TMEM26: variants seen among roughly 807,000 people sequenced by gnomAD.
The protein encoded by TMEM26 is transmembrane protein 26.
A neutral mutation model predicts 28.8 loss-of-function variants in TMEM26; 38 were observed. The ratio of observed to expected loss-of-function variants is 1.32; its 90% CI spans 1.02 to 1.73. The LOEUF (loss-of-function observed/expected upper bound fraction) is 1.73, where lower values mean the gene tolerates loss of function less well. TMEM26 is among the 40% of genes most tolerant of loss of function. TMEM26 has a pLI of 0.00. For missense variants in TMEM26, 518 were observed against 447.1 expected, an observed-to-expected ratio of 1.16 and a Z score of -1.43; for synonymous variants, 227 against 182.9, an observed-to-expected ratio of 1.24 and a Z score of -1.95.
At chr10:61,447,235 T>C (rs2135337057) in intron 1 of TMEM26, among the ~76,000 whole-genome samples, 1 of 152,348 alleles carries the variant, frequency 6.6e-6, no homozygotes, top group African/African-American at 2.4e-5. Flanking sequence ...AAGAGTTTTA[T>C]TTCCAAACCT....
chr10:61,450,608 T>C (rs1840260633), intron 1 of TMEM26, among the ~76,000 whole-genome samples: 2 of 151,710 alleles, frequency 1.3e-5, no homozygotes. Context: ...CCAAGACTCA[T>C]TTGTTGCTGA....
intron 2 of TMEM26, among the ~76,000 whole-genome samples, chr10:61,435,909 AG>A (rs1431338365): frequency 6.6e-6 from 1 of 152,220 alleles, no homozygotes; most frequent in African/African-American, 2.4e-5. Context: ...GGACAGGGGA[AG>A]TCTTAGTAAT....
intron 4 of TMEM26, chr10:61,414,995 T>G: frequency 3.0e-6 from 3 of 985,330 alleles, no homozygotes; most frequent in Non-Finnish European, 3.6e-6. Flanking sequence ...TCCAATGGGT[T>G]GTTGAAGGCT....
At position 61,435,917 on chromosome 10, in the gene TMEM26, T is replaced by A. The variant is rs1156763582; in HGVS notation, c.270+253A>T. 2.0e-5 allele frequency among the ~76,000 whole-genome samples: 3 copies of A among 152,316 alleles called. No individual in the cohort carries two copies. The East Asian group carries it at 5.8e-4, about 29-fold the overall frequency. On this transcript the variant is annotated intron_variant, in intron 2 of 5. Coordinates refer to ENST00000399298, the MANE Select transcript of TMEM26 (RefSeq NM_178505.8). ...GGGTGGGGGACAGGGGAAGTCTTAG[T>A]AATAAGATCTCTAACACAAAATGTT...
chr10:61,446,312 A>G (rs1011774358), intron 1 of TMEM26, among the ~76,000 whole-genome samples: 8 of 152,236 alleles, frequency 5.3e-5, no homozygotes, highest in African/African-American at 1.9e-4. Flanking sequence ...AATGATGCAC[A>G]TTTAAGTCAC....
At chr10:61,451,805 C>G (rs1319052772) in intron 1 of TMEM26, among the ~76,000 whole-genome samples, 1 of 152,140 alleles carries the variant, frequency 6.6e-6, no homozygotes, top group African/African-American at 2.4e-5. Flanking sequence ...TCAGAGGCAA[C>G]ATGTTTTCTT....
In TMEM26 at chr10:61,408,781, C is replaced by A. The variant is rs985578870; in HGVS notation, c.*1541G>T. ...CATTATATTGTTAAAATTAGAAGCA[C>A]AAGGAAGAAAGAAATAAAAAACATA... On this transcript the variant is annotated 3_prime_UTR_variant, in exon 6 of 6. Transcript: ENST00000399298. 6 of 151,884 alleles carry A rather than the reference C, an allele frequency of 4.0e-5. No individual in the cohort carries two copies. The highest frequency in any genetic ancestry group is 2.1e-4 in the South Asian group (1 of 4,816). 9.4% of individuals were successfully genotyped at this position (151,884 alleles called of 1,614,324 possible).
intron 1 of TMEM26, among the ~76,000 whole-genome samples, chr10:61,443,919 A>G (rs997589007): frequency 2.0e-5 from 3 of 152,244 alleles, no homozygotes; most frequent in Non-Finnish European, 4.4e-5. Context: ...GAGGATCTAC[A>G]TACTATCTTT....
chr10:61,410,262 C>A lies in TMEM26; in HGVS notation c.*60G>T, dbSNP rs1240566871. 3 of 1,485,254 alleles carry A rather than the reference C, an allele frequency of 2.0e-6. No individual in the cohort carries two copies. Among genetic ancestry groups the A allele is most frequent in the Admixed American group, 4.4e-5 (2 of 45,270 alleles). 92.0% of individuals were successfully genotyped at this position (1,485,254 alleles called of 1,614,324 possible). ...GCCAAGGTTGGAGGAGAAAAAGGAT[C>A]CTCCCTGTAAGAAGAACCAGGGAGT... On this transcript the variant is annotated 3_prime_UTR_variant, in exon 6 of 6. Transcript: ENST00000399298.
intron 2 of TMEM26, among the ~76,000 whole-genome samples, chr10:61,433,755 T>A (rs1839959460): frequency 6.6e-6 from 1 of 152,136 alleles, no homozygotes; most frequent in Non-Finnish European, 1.5e-5. Flanking sequence ...AATTACTCTT[T>A]TCTACAATGA....
At chr10:61,415,473 T>C (rs946640181) in intron 4 of TMEM26, among the ~76,000 whole-genome samples, 1 of 152,118 alleles carries the variant, frequency 6.6e-6, no homozygotes, top group Non-Finnish European at 1.5e-5. Flanking sequence ...CAGACATTCA[T>C]GCCAGGCAGT....
chr10:61,418,234 T>A lies in TMEM26; in HGVS notation c.606-4699A>T, dbSNP rs542521562. 2.0e-5 allele frequency among the ~76,000 whole-genome samples: 3 copies of A among 152,146 alleles called. No homozygotes were observed. In the South Asian group the frequency reaches 6.2e-4, roughly 32 times the overall value. On this transcript the variant is annotated intron_variant, in intron 4 of 5. Transcript: ENST00000399298. ...TTCCTACTGGAAAAGTACTGGAGAC[T>A]GTTAGGATGGAGGTTGGTCAATTTG...
chr10:61,411,706 G>A (rs1839572367), intron 5 of TMEM26, among the ~76,000 whole-genome samples: 1 of 152,160 alleles, frequency 6.6e-6, no homozygotes, highest in African/African-American at 2.4e-5. Context: ...GCAATCAACA[G>A]AAGAACCTTT....
In TMEM26 at chr10:61,420,547, T is replaced by C. The variant is rs115208783; in HGVS notation, c.606-7012A>G. ...CAGTGAAATTATATATTTGTATATA[T>C]ATGTAAAATGGTGGATCTTTGTTTT... On this transcript the variant is annotated intron_variant, in intron 4 of 5. Transcript: ENST00000399298. Among the ~76,000 whole-genome samples, 974 of 152,288 alleles carry C rather than the reference T, an allele frequency of 6.4e-3. 9 individuals carry two copies. Among genetic ancestry groups the C allele is most frequent in the African/African-American group, 0.022 (917 of 41,566 alleles).
At chr10:61,448,613 T>C (rs1009848550) in intron 1 of TMEM26, among the ~76,000 whole-genome samples, 3 of 146,386 alleles carry the variant, frequency 2.0e-5, no homozygotes, top group Non-Finnish European at 4.5e-5. Context: ...TGTTTTCTGT[T>C]TTTTTGTTTT....
Position 61,408,516 on chromosome 10 carries a change from A to G in TMEM26, c.*1806T>C, listed in dbSNP as rs1048088259. On this transcript the variant is annotated 3_prime_UTR_variant, in exon 6 of 6. Coordinates refer to ENST00000399298, the MANE Select transcript of TMEM26 (RefSeq NM_178505.8). ...ATCTGCAATAATAAGCAGCACATAC[A>G]TGTTGTGGAAGAAAATATTCAACAT... 6.6e-6 allele frequency: 1 copy of G among 152,256 alleles called. No homozygotes were observed. Among genetic ancestry groups the G allele is most frequent in the African/African-American group, 2.4e-5 (1 of 41,474 alleles). 9.4% of individuals were successfully genotyped at this position (152,256 alleles called of 1,614,324 possible).
intron 5 of TMEM26, among the ~76,000 whole-genome samples, chr10:61,413,181 G>T (rs1915431): frequency 0.11 from 17,281 of 152,034 alleles, 1,902 homozygotes; most frequent in African/African-American, 0.28. Context: ...TACCTGGTTT[G>T]CAGGAGGTCT....
intron 2 of TMEM26, among the ~76,000 whole-genome samples, chr10:61,435,022 G>T (rs1839981034): frequency 6.6e-6 from 1 of 152,156 alleles, no homozygotes; most frequent in Non-Finnish European, 1.5e-5. Flanking sequence ...TGAAGTCAAA[G>T]CTGGAATCAG....
At chr10:61,439,585 T>C (rs1463771874) in intron 1 of TMEM26, among the ~76,000 whole-genome samples, 1 of 152,234 alleles carries the variant, frequency 6.6e-6, no homozygotes, top group Non-Finnish European at 1.5e-5. Flanking sequence ...TGAGACCCTG[T>C]ATAAATTTCA....
Sources: allele counts gnomAD v4.1 joint callset (sites outside exome capture counted in the v4.1 genomes callset), GRCh38; gene constraint gnomAD v4.1.1; transcripts MANE v1.5; gene names NCBI Gene and HGNC (gene_info 2026-07-23, HGNC 2026-07-21).